DSCAM: variants seen among roughly 807,000 people sequenced by gnomAD.
The protein encoded by DSCAM is cell adhesion molecule DSCAM.
DSCAM carries 47 observed loss-of-function variants against 217.7 expected under a neutral mutation model. The ratio of observed to expected loss-of-function variants is 0.22; its 90% confidence interval spans 0.17 to 0.28. The LOEUF (loss-of-function observed/expected upper bound fraction) is 0.28. Among genes scored for constraint, DSCAM ranks in the 10% least tolerant of loss-of-function variants. DSCAM has a pLI of 1.00. For synonymous variants in DSCAM, 1,056 were observed against 1,015.3 expected, an observed-to-expected ratio of 1.04 and a Z score of -0.76; for missense variants, 2,080 against 2,618.3, an observed-to-expected ratio of 0.79 and a Z score of 4.49.
intron 20 of DSCAM, among the ~76,000 whole-genome samples, chr21:40,115,620 G>A (rs1017942675): frequency 6.6e-6 from 1 of 152,082 alleles, no homozygotes; most frequent in East Asian, 1.9e-4. Context: ...CTCACACCAG[G>A]CAGAATGACT....
rs118082484 is a variant in DSCAM at position 40,552,335 on chromosome 21, C to A, written c.508+140475G>T. ...TCTCAAAAAAAAAAAGAGTTCTCTT[C>A]CCTTCCTAGACCCTTCCAATGAATG... On this transcript the variant is annotated intron_variant, in intron 3 of 32. Coordinates refer to ENST00000400454, the MANE Select transcript of DSCAM (RefSeq NM_001389.5). Among the ~76,000 whole-genome samples, 1,090 of 152,184 alleles carry A rather than the reference C, an allele frequency of 7.2e-3. 8 individuals are homozygous for A. Among genetic ancestry groups the A allele is most frequent in the Non-Finnish European group, 0.012 (791 of 67,994 alleles).
intron 3 of DSCAM, among the ~76,000 whole-genome samples, chr21:40,398,716 C>G (rs1157849803): frequency 1.3e-5 from 2 of 148,502 alleles, no homozygotes; most frequent in Non-Finnish European, 3.0e-5. Context: ...TTCACTGCAA[C>G]CTCCACCTCC....
rs752444480 is a variant in DSCAM at position 40,134,027 on chromosome 21, GA to G, written c.3407-19del. On this transcript the variant is annotated intron_variant, in intron 18 of 32. Coordinates refer to ENST00000400454, the MANE Select transcript of DSCAM (RefSeq NM_001389.5). ...ACCCAGCTCTGGAGGACAAGAACAA[GA>G]AAACAAAATCCCACTTCTGAGCCCA... The G allele has an allele frequency of 6.3e-7, 1 of 1,598,590 alleles. No homozygotes were observed.
At chr21:40,032,354 C>T (rs2088542783) in intron 32 of DSCAM, among the ~76,000 whole-genome samples, 2 of 152,110 alleles carry the variant, frequency 1.3e-5, no homozygotes, top group Admixed American at 6.5e-5. Flanking sequence ...TCATAAGCCT[C>T]AACAAAGTCA....
rs1261352601 is a variant in DSCAM at position 40,037,958 on chromosome 21, A to G, written c.5686+4413T>C. Among the ~76,000 whole-genome samples, 6 of 146,496 alleles carry G rather than the reference A, an allele frequency of 4.1e-5. No individual in the cohort carries two copies. In the East Asian group the frequency reaches 8.0e-4, roughly 19 times the overall value. On this transcript the variant is annotated intron_variant, in intron 32 of 32. Transcript: ENST00000400454. ...ATAAATGGTGCTGGGAAAACTGGCT[A>G]GCCATATGTAGAAAGCTGAAACTGG...
At chr21:40,687,626 C>T (rs779817180) in intron 3 of DSCAM, among the ~76,000 whole-genome samples, 4 of 152,188 alleles carry the variant, frequency 2.6e-5, no homozygotes, top group Non-Finnish European at 5.9e-5. Flanking sequence ...TGCTTAAGGG[C>T]AGCCTTGTCT....
At chr21:40,064,696 G>C (rs908211660) in intron 27 of DSCAM, among the ~76,000 whole-genome samples, 6 of 152,204 alleles carry the variant, frequency 3.9e-5, no homozygotes, top group Non-Finnish European at 5.9e-5. Context: ...TCCATGCAGA[G>C]AATTCACATG....
At chr21:40,452,577 C>G (rs552653671) in intron 3 of DSCAM, among the ~76,000 whole-genome samples, 8 of 152,176 alleles carry the variant, frequency 5.3e-5, no homozygotes, top group African/African-American at 1.9e-4. Flanking sequence ...CAAATAGTAT[C>G]AAGCAAACTT....
intron 10 of DSCAM, among the ~76,000 whole-genome samples, chr21:40,283,511 A>G (rs904168736): frequency 6.6e-6 from 1 of 152,224 alleles, no homozygotes; most frequent in Non-Finnish European, 1.5e-5. Flanking sequence ...GGACAGTGGA[A>G]AAAGAACGGC....
At chr21:40,575,313 T>C (rs2076840887) in intron 3 of DSCAM, among the ~76,000 whole-genome samples, 1 of 152,010 alleles carries the variant, frequency 6.6e-6, no homozygotes, top group Non-Finnish European at 1.5e-5. Context: ...GTTCGCTGAC[T>C]CTTTTTGGAC....
chr21:40,242,539 C>T (rs2073167639), intron 11 of DSCAM, among the ~76,000 whole-genome samples: 1 of 152,204 alleles, frequency 6.6e-6, no homozygotes, highest in Non-Finnish European at 1.5e-5. Context: ...AGCAGAAGTA[C>T]TACATGAGCT....
chr21:40,389,296 TTA>T (rs1156557404), intron 3 of DSCAM, among the ~76,000 whole-genome samples: 1 of 152,214 alleles, frequency 6.6e-6, no homozygotes, highest in East Asian at 1.9e-4. Context: ...TAAATTTTAA[TTA>T]GAGAATATTC....
chr21:40,226,689 CAA>C (rs564768338), intron 11 of DSCAM, among the ~76,000 whole-genome samples: 206 of 152,240 alleles, frequency 1.4e-3, no homozygotes, highest in African/African-American at 4.9e-3. Context: ...GATCTTTAAC[CAA>C]TCCAAAAGTT....
At chr21:40,200,557 G>A (rs988935827) in intron 11 of DSCAM, among the ~76,000 whole-genome samples, 4 of 152,102 alleles carry the variant, frequency 2.6e-5, no homozygotes, top group Non-Finnish European at 2.9e-5. Flanking sequence ...ATCTGTCAAC[G>A]GACACTTGTG....
chr21:40,163,245 G>C (rs2090560039), intron 16 of DSCAM, among the ~76,000 whole-genome samples: 1 of 152,064 alleles, frequency 6.6e-6, no homozygotes. Flanking sequence ...CTAAAAATTG[G>C]AATTTTCTGA....
chr21:40,256,128 C>T (rs2073367065), intron 11 of DSCAM, among the ~76,000 whole-genome samples: 1 of 152,108 alleles, frequency 6.6e-6, no homozygotes, highest in Non-Finnish European at 1.5e-5. Context: ...CTCTGTATTC[C>T]CAAATTAAAA....
At chr21:40,385,490 C>A (rs930879299) in intron 3 of DSCAM, 5 of 152,190 alleles carry the variant, frequency 3.3e-5, no homozygotes, top group African/African-American at 7.2e-5. Context: ...AAACTGACGT[C>A]AATTTTGCAC....
intron 3 of DSCAM, among the ~76,000 whole-genome samples, chr21:40,681,061 G>C (rs1201076501): frequency 5.9e-5 from 9 of 152,224 alleles, no homozygotes; most frequent in Non-Finnish European, 1.0e-4. Context: ...TGTAATCAAG[G>C]GTAACTTTTG....
chr21:40,222,302 A>C (rs893997535), intron 11 of DSCAM, among the ~76,000 whole-genome samples: 8 of 152,266 alleles, frequency 5.3e-5, no homozygotes, highest in Non-Finnish European at 1.0e-4. Flanking sequence ...AAGTGAATAA[A>C]TACTTTCCAA....
Sources: gnomAD v4.1 joint callset for allele counts (sites outside exome capture counted in the v4.1 genomes callset) on GRCh38, gnomAD v4.1.1 for gene constraint, MANE v1.5 for transcripts, NCBI Gene and HGNC (gene_info 2026-07-23, HGNC 2026-07-21) for gene names.